GTF2F1: variants seen among roughly 807,000 people sequenced by gnomAD.
The protein encoded by GTF2F1 is general transcription factor IIF subunit 1, also known as general transcription factor IIF 74 kDa subunit.
In GTF2F1, 39 loss-of-function variants were observed where a neutral mutation model predicts 63.5. The observed-to-expected ratio is 0.61, with a 90% CI of 0.48 to 0.80. The LOEUF is 0.80. Among genes scored for constraint, GTF2F1 ranks in the 30% least tolerant of loss-of-function variants. GTF2F1 has a pLI of 0.00. For synonymous variants in GTF2F1, 287 were observed against 285.3 expected (o/e 1.01, Z -0.06); for missense variants, 657 against 718.3 (o/e 0.91, Z 0.97).
At chr19:6,389,713 C>A in intron 3 of GTF2F1, 76 bp from the exon 4 acceptor site, 7 of 1,371,980 alleles carry the variant, frequency 5.1e-6, no homozygotes, top group Non-Finnish European at 7.1e-6. Context: ...GAACGCCCTT[C>A]CTTGCCCTAG....
chr19:6,387,360 T>C (rs2091977541), intron 5 of GTF2F1, 29 bp downstream of exon 5: 1 of 1,607,976 alleles, frequency 6.2e-7, no homozygotes, highest in Non-Finnish European at 8.5e-7. Context: ...CCCTCACTTC[T>C]GTCCCCAGCC....
chr19:6,387,427 G>A lies in GTF2F1; in HGVS notation c.459C>T (p.Arg153=). The A allele has an allele frequency of 6.2e-7, 1 of 1,614,246 alleles. No individual in the cohort carries two copies. ...CCTCGGCCTCCTCGGCAGTGAGCGT[G>A]CGATGCCGGGCCAGCGGTGTGAAAT... The part of the protein sequence containing the change: ...WYNFTPLARH[R]TLTAEEAEEE... Residue 153 remains arginine (R), a synonymous_variant, in exon 5 of 13, where the codon CGC becomes CGT. Coordinates refer to ENST00000394456, the MANE Select transcript of GTF2F1 (RefSeq NM_002096.3).
At chr19:6,388,901 G>A (rs1473146030) in intron 4 of GTF2F1, among the ~76,000 whole-genome samples, 2 of 152,096 alleles carry the variant, frequency 1.3e-5, no homozygotes, top group Non-Finnish European at 2.9e-5. Context: ...AGCTACGATC[G>A]CACCACTGCA....
At position 6,387,426 on chromosome 19, in the gene GTF2F1, T is replaced by C. The variant is rs2091977863; in HGVS notation, c.460A>G (p.Thr154Ala). The C allele has an allele frequency of 1.8e-5, 29 of 1,614,226 alleles. No homozygotes were observed. The highest frequency in any genetic ancestry group is 2.5e-5 in the Non-Finnish European group (29 of 1,180,028). ...TCCTCGGCCTCCTCGGCAGTGAGCGTGCGATGCCGGGCCAGCGGTGTGAAA... is the reference window on the plus strand; with the variant it reads ...TCCTCGGCCTCCTCGGCAGTGAGCGCGCGATGCCGGGCCAGCGGTGTGAAA... ...YNFTPLARHR[T>A]LTAEEAEEEW... Residue 154 changes from threonine to alanine, a missense_variant, in exon 5 of 13, where the codon ACG becomes GCG. This residue lies in a region of GTF2F1 where 602 missense variants were observed against 625.6 expected (regional missense o/e 0.96). Transcript: ENST00000394456.
chr19:6,392,746 C>T, intron 2 of GTF2F1, 111 bp downstream of exon 2: 1 of 1,072,644 alleles, frequency 9.3e-7, no homozygotes, highest in Non-Finnish European at 1.4e-6. Flanking sequence ...AAGTCTCTCC[C>T]GGTCTGGAGG....
In GTF2F1 at chr19:6,380,250, TGG is replaced by T. The variant is rs772474765; in HGVS notation, c.*29_*30del. 3.2e-6 allele frequency: 5 copies of T among 1,579,182 alleles called. No individual in the cohort carries two copies. In the South Asian group the frequency reaches 4.4e-5, roughly 14 times the overall value. On this transcript the variant is annotated 3_prime_UTR_variant, in exon 13 of 13. Coordinates refer to ENST00000394456, the MANE Select transcript of GTF2F1 (RefSeq NM_002096.3). The surrounding 1 kb of genome is among the most constrained non-coding windows in gnomAD (Gnocchi z 5.3). ...AAGGGGCAGTGAGAGCCTTAAGTTC[TGG>T]GGGGCAGAGCCATGTATTGGACCAA... is the stretch of plus-strand genomic sequence containing the variant.
In GTF2F1 at chr19:6,379,987, G is replaced by T. The variant is rs1312319118; in HGVS notation, c.*294C>A. ...AGAAGTTACCCAGTGGGCAGCACAG[G>T]CCCTTGGTCAGTGTGAGGGAGGCCG... is the stretch of plus-strand genomic sequence containing the variant. On this transcript the variant is annotated 3_prime_UTR_variant, in exon 13 of 13. Transcript: ENST00000394456. The T allele has an allele frequency of 2.1e-5, 10 of 479,546 alleles. No homozygotes were observed. Among genetic ancestry groups the T allele is most frequent in the Non-Finnish European group, 3.1e-5 (8 of 261,336 alleles). 29.7% of individuals were successfully genotyped at this position (479,546 alleles called of 1,614,324 possible).
chr19:6,380,884 G>T lies in GTF2F1; in HGVS notation c.1231+20C>A. On this transcript the variant is annotated intron_variant, in intron 11 of 12. Coordinates refer to ENST00000394456, the MANE Select transcript of GTF2F1 (RefSeq NM_002096.3). This position sits in a 1 kb window ranked among gnomAD's most constrained non-coding sequence, Gnocchi z 5.3. ...GCTGTGGCTGTGGCTGTGGGGAGCG[G>T]GGAGGCCACGGGCACTCACCTTGCT... 1 of 1,536,420 alleles carries T rather than the reference G, an allele frequency of 6.5e-7. No homozygotes were observed. Among genetic ancestry groups the T allele is most frequent in the Non-Finnish European group, 8.7e-7 (1 of 1,145,000 alleles).
Position 6,380,313 on chromosome 19 carries a change from T to C in GTF2F1, c.1522A>G (p.Asn508Asp). The change falls in exon 13 of 13, where the codon AAC (asparagine) becomes GAC (aspartate). Residue 508 changes from asparagine to aspartate, a missense_variant. Around this residue, in one of 2 missense-constraint regions of GTF2F1, gnomAD observed 55 missense variants for 92.6 expected, o/e 0.59. Coordinates refer to ENST00000394456, the MANE Select transcript of GTF2F1 (RefSeq NM_002096.3). This position sits in a 1 kb window ranked among gnomAD's most constrained non-coding sequence, Gnocchi z 5.3. ...KRLNPERKMINDKMHFSLKE is the reference protein window; with the variant it reads ...KRLNPERKMIDDKMHFSLKE The stretch of plus-strand genomic sequence containing the variant: ...TTGAGGGAGAAGTGCATTTTGTCGT[T>C]GATCATCTTGCGCTCGGGGTTGAGT... The C allele has an allele frequency of 6.2e-7, 1 of 1,614,178 alleles. No homozygotes were observed. The highest frequency in any genetic ancestry group is 1.1e-5 in the South Asian group (1 of 91,086).
At position 6,381,940 on chromosome 19, in the gene GTF2F1, A is replaced by T; in HGVS notation, c.683-90T>A. 8.8e-7 allele frequency: 1 copy of T among 1,132,742 alleles called. No homozygotes were observed. 70.2% of individuals were successfully genotyped at this position (1,132,742 alleles called of 1,614,324 possible). Reference sequence around the variant, plus strand: ...GTTTTTCACATTTTGTGCAGTTTTGACATCCTGGGGGGCCTCACTGACTGG... The same window carrying T: ...GTTTTTCACATTTTGTGCAGTTTTGTCATCCTGGGGGGCCTCACTGACTGG... On this transcript the variant is annotated intron_variant, in intron 6 of 12. Coordinates refer to ENST00000394456, the MANE Select transcript of GTF2F1 (RefSeq NM_002096.3). This position sits in a 1 kb window ranked among gnomAD's most constrained non-coding sequence, Gnocchi z 4.1.
chr19:6,386,785 G>A (rs550439509), intron 5 of GTF2F1: 1 of 152,388 alleles, frequency 6.6e-6, no homozygotes, highest in East Asian at 1.9e-4. Flanking sequence ...TCGACTCTTT[G>A]AGCATCTGCT....
In GTF2F1 at chr19:6,387,469, G is replaced by A. The variant is rs749788471; in HGVS notation, c.417C>T (p.Pro139=). The part of the protein sequence containing the change: ...QCPDGAFEAF[P]VHNWYNFTPL... ...GTGTGAAATTGTACCAGTTGTGCAC[G>A]GGGAAGGCCTCGAAGGCCCCGTCGG... The change falls in exon 5 of 13, where the codon CCC becomes CCT. Residue 139 remains proline (P), a synonymous_variant. Transcript: ENST00000394456. 3.8e-5 allele frequency: 62 copies of A among 1,614,082 alleles called. 1 individual carries two copies. The highest frequency in any genetic ancestry group is 3.7e-4 in the South Asian group (34 of 91,092).
At position 6,380,644 on chromosome 19, in the gene GTF2F1, G is replaced by C. The variant is rs753155328; in HGVS notation, c.1278C>G (p.Asp426Glu). The C allele has an allele frequency of 6.2e-7, 1 of 1,613,540 alleles. No individual in the cohort carries two copies. Among genetic ancestry groups the C allele is most frequent in the South Asian group, 1.1e-5 (1 of 91,090 alleles). The stretch of plus-strand genomic sequence containing the variant: ...TCCCAGACAGGCTCTGGGGTCCCGT[G>C]TCCAGCCGCAACCGCTTGGCTGCAG... ...EMPAAKRLRL[D>E]TGPQSLSGKS... The change falls in exon 12 of 13, where the codon GAC becomes GAG. Residue 426 changes from aspartate (D) to glutamate (E), a missense_variant. By Grantham distance (45) the Asp-to-Glu change is conservative. Around this residue, in one of 2 missense-constraint regions of GTF2F1, gnomAD observed 602 missense variants for 625.6 expected, o/e 0.96. Transcript: ENST00000394456. This position sits in a 1 kb window ranked among gnomAD's most constrained non-coding sequence, Gnocchi z 5.3.
chr19:6,381,454 C>T lies in GTF2F1; in HGVS notation c.923G>A (p.Ser308Asn), dbSNP rs149888355. Reference sequence around the variant, plus strand: ...CGGCTTCTCCTCCTCACTCTCCTCACTACTGTCGCTCTGCTCATCGACACC... The same window carrying T: ...CGGCTTCTCCTCCTCACTCTCCTCATTACTGTCGCTCTGCTCATCGACACC... Reference protein sequence around the residue: ...PKGVDEQSDSSEESEEEKPPE... With the variant: ...PKGVDEQSDSNEESEEEKPPE... Residue 308 changes from serine (S) to asparagine (N), a missense_variant, in exon 9 of 13, where the codon AGT becomes AAT. Transcript: ENST00000394456. The surrounding 1 kb of genome is among the most constrained non-coding windows in gnomAD (Gnocchi z 4.1). 1 of 1,608,632 alleles carries T rather than the reference C, an allele frequency of 6.2e-7. No homozygotes were observed. Among genetic ancestry groups the T allele is most frequent in the African/African-American group, 1.3e-5 (1 of 74,934 alleles).
chr19:6,392,823 TGGAGA>T (rs778524707), intron 2 of GTF2F1, 29 bp downstream of exon 2: 3 of 1,591,186 alleles, frequency 1.9e-6, no homozygotes, highest in Non-Finnish European at 2.6e-6. Context: ...TTTTGGGGGG[TGGAGA>T]GGAGTGGGAG....
chr19:6,386,979 T>C (rs947915422), intron 5 of GTF2F1: 1 of 211,122 alleles, frequency 4.7e-6, no homozygotes, highest in Non-Finnish European at 9.6e-6. Flanking sequence ...CCTCATGCAC[T>C]GTGTCCCTCC....
intron 3 of GTF2F1, 39 bp from the exon 4 acceptor site, chr19:6,389,676 C>G (rs1274277090): frequency 6.3e-7 from 1 of 1,594,518 alleles, no homozygotes; most frequent in Non-Finnish European, 8.6e-7. Flanking sequence ...GGGTCCCTGG[C>G]TTTGCTTGCG....
chr19:6,381,901 T>C lies in GTF2F1; in HGVS notation c.683-51A>G. ...GGAGGGAAAGTGAGGAGGAAGGCAG[T>C]GGGTATTTATTGTGTTTTTCACATT... On this transcript the variant is annotated intron_variant, in intron 6 of 12. Transcript: ENST00000394456. This position sits in a 1 kb window ranked among gnomAD's most constrained non-coding sequence, Gnocchi z 4.1. 1 of 1,451,520 alleles carries C rather than the reference T, an allele frequency of 6.9e-7. No homozygotes were observed. The highest frequency in any genetic ancestry group is 9.6e-7 in the Non-Finnish European group (1 of 1,047,068). 89.9% of individuals were successfully genotyped at this position (1,451,520 alleles called of 1,614,324 possible).
intron 4 of GTF2F1, 43 bp from the exon 5 acceptor site, chr19:6,387,602 C>A (rs1439974078): frequency 9.9e-6 from 15 of 1,512,836 alleles, no homozygotes; most frequent in Non-Finnish European, 1.4e-5. Flanking sequence ...AGGGACCAGC[C>A]CCAGCCCCCC....
Sources: gnomAD v4.1 joint callset for allele counts (sites outside exome capture counted in the v4.1 genomes callset) on GRCh38, gnomAD v4.1.1 for gene constraint, gnomAD v4.1.1 regional missense constraint, Gnocchi (gnomAD v3.1) non-coding constraint, MANE v1.5 for transcripts, NCBI Gene and HGNC (gene_info 2026-07-23, HGNC 2026-07-21) for gene names.